Variants in ARB2A observed in about 807,000 individuals in gnomAD.
ARB2A encodes ARB2 cotranscriptional regulator A, also known as cotranscriptional regulator ARB2A.
chr5:94,027,173 G>A, the ARB2A span, among the ~76,000 whole-genome samples: 14 of 152,328 alleles, frequency 9.2e-5, no homozygotes, highest in African/African-American at 3.1e-4. Flanking sequence ...AGTGGTAGAG[G>A]TCGAAGTTGA....
the ARB2A span, among the ~76,000 whole-genome samples, chr5:93,643,248 A>G: frequency 6.6e-6 from 1 of 152,172 alleles, no homozygotes; most frequent in African/African-American, 2.4e-5. Context: ...GAAATTGTGA[A>G]GCCTAACCAG....
At chr5:93,894,255 T>C in the ARB2A span, among the ~76,000 whole-genome samples, 1 of 152,174 alleles carries the variant, frequency 6.6e-6, no homozygotes, top group Non-Finnish European at 1.5e-5. Flanking sequence ...TTTATCTCTA[T>C]AATTACATTT....
the ARB2A span, among the ~76,000 whole-genome samples, chr5:93,651,516 C>T: frequency 6.6e-6 from 1 of 151,952 alleles, no homozygotes; most frequent in Non-Finnish European, 1.5e-5. Flanking sequence ...TAAACAAAAC[C>T]TGAGAGAATA....
the ARB2A span, among the ~76,000 whole-genome samples, chr5:93,893,668 T>G: frequency 6.6e-6 from 1 of 152,194 alleles, no homozygotes; most frequent in African/African-American, 2.4e-5. Context: ...AAGTATGTAA[T>G]GAATACTTAT....
At chr5:94,048,267 C>A in the ARB2A span, among the ~76,000 whole-genome samples, 1 of 151,946 alleles carries the variant, frequency 6.6e-6, no homozygotes. Flanking sequence ...GTTGGTCAGG[C>A]TGGTCTTGAA....
chr5:94,033,597 G>T, the ARB2A span, among the ~76,000 whole-genome samples: 158 of 152,116 alleles, frequency 1.0e-3, no homozygotes, highest in African/African-American at 3.1e-3. Context: ...GCTAATTTTT[G>T]TATTTTTTGC....
At chr5:93,856,893 T>C in the ARB2A span, among the ~76,000 whole-genome samples, 3 of 152,066 alleles carry the variant, frequency 2.0e-5, no homozygotes, top group Non-Finnish European at 4.4e-5. Context: ...CTGCTCTGTT[T>C]TTTCCCCATC....
the ARB2A span, chr5:93,620,716 G>T: frequency 6.0e-6 from 2 of 331,854 alleles, no homozygotes; most frequent in Non-Finnish European, 5.4e-6. Context: ...GGCCGAGCCA[G>T]GCAGGGCGCT....
chr5:93,949,763 T>C, the ARB2A span, among the ~76,000 whole-genome samples: 1 of 152,106 alleles, frequency 6.6e-6, no homozygotes, highest in Non-Finnish European at 1.5e-5. Flanking sequence ...TATAGCTTTG[T>C]ACCCATTAAC....
At chr5:93,932,933 A>G in the ARB2A span, among the ~76,000 whole-genome samples, 2 of 152,348 alleles carry the variant, frequency 1.3e-5, no homozygotes, top group African/African-American at 4.8e-5. Flanking sequence ...AGAATCTACA[A>G]GGAACTTAAA....
chr5:94,087,415 A>G, the ARB2A span, among the ~76,000 whole-genome samples: 1 of 152,166 alleles, frequency 6.6e-6, no homozygotes, highest in Non-Finnish European at 1.5e-5. Flanking sequence ...TTAAAAAAAA[A>G]TTAATTTTAA....
At chr5:93,993,028 T>A in the ARB2A span, among the ~76,000 whole-genome samples, 1 of 152,080 alleles carries the variant, frequency 6.6e-6, no homozygotes, top group Non-Finnish European at 1.5e-5. Context: ...TTTTAGAAAG[T>A]AAACTCTGAA....
chr5:93,664,505 C>T, the ARB2A span, among the ~76,000 whole-genome samples: 16 of 151,728 alleles, frequency 1.1e-4, no homozygotes, highest in Non-Finnish European at 1.9e-4. Flanking sequence ...ATGGCGGGCA[C>T]CTGTACTCCC....
At chr5:93,639,360 CA>C in the ARB2A span, among the ~76,000 whole-genome samples, 23 of 151,764 alleles carry the variant, frequency 1.5e-4, no homozygotes, top group South Asian at 3.5e-3. Flanking sequence ...ATTTAGCCTC[CA>C]AGTCTATAGT....
the ARB2A span, among the ~76,000 whole-genome samples, chr5:94,028,737 C>T: frequency 6.6e-6 from 1 of 152,148 alleles, no homozygotes; most frequent in Non-Finnish European, 1.5e-5. Flanking sequence ...AAAAATGCTT[C>T]TTTCTATTTC....
chr5:94,021,893 AC>A, the ARB2A span, among the ~76,000 whole-genome samples: 3 of 152,058 alleles, frequency 2.0e-5, no homozygotes, highest in Non-Finnish European at 4.4e-5. Flanking sequence ...GCATGGGAAA[AC>A]CCCATCTCTA....
the ARB2A span, among the ~76,000 whole-genome samples, chr5:93,921,801 G>A: frequency 6.6e-6 from 1 of 152,140 alleles, no homozygotes; most frequent in Non-Finnish European, 1.5e-5. Context: ...AGAAGTCCTG[G>A]AAAATGAAAA....
chr5:93,770,266 C>A, the ARB2A span, among the ~76,000 whole-genome samples: 1 of 152,062 alleles, frequency 6.6e-6, no homozygotes, highest in Non-Finnish European at 1.5e-5. Context: ...ACCCTTCATG[C>A]TAAAAACTCT....
At chr5:93,662,599 C>T in the ARB2A span, among the ~76,000 whole-genome samples, 2 of 152,174 alleles carry the variant, frequency 1.3e-5, no homozygotes, top group Admixed American at 1.3e-4. Flanking sequence ...TTTAGTAAGA[C>T]ATCAGTTAAC....
Sources: allele counts gnomAD v4.1 joint callset (sites outside exome capture counted in the v4.1 genomes callset), GRCh38; gene constraint gnomAD v4.1.1; transcripts MANE v1.5; gene names NCBI Gene and HGNC (gene_info 2026-07-23, HGNC 2026-07-21).